The following ITGB5 variants were observed in gnomAD, a reference collection of about 807,000 sequenced individuals.
ITGB5 encodes integrin beta-5.
In ITGB5, 38 loss-of-function variants were observed where a neutral mutation model predicts 84.8. That is an observed-to-expected ratio of 0.45 (90% confidence interval 0.35 to 0.59). ITGB5 has a LOEUF of 0.59. ITGB5 is among the 20% of genes least tolerant of loss of function. The probability of loss-of-function intolerance (pLI) is 0.01; values close to 1 mark genes in which losing one functional copy is unlikely to be tolerated. For missense variants in ITGB5, 905 were observed against 1,034.5 expected, an observed-to-expected ratio of 0.87 and a Z score of 1.72; for synonymous variants, 393 against 414.4, an observed-to-expected ratio of 0.95 and a Z score of 0.63.
At chr3:124,820,441 G>A (rs2107558046) in intron 6 of ITGB5, among the ~76,000 whole-genome samples, 1 of 152,314 alleles carries the variant, frequency 6.6e-6, no homozygotes. Flanking sequence ...ACAGTGTCCT[G>A]AGGGATTTTG....
At chr3:124,779,630 G>A (rs559212040) in intron 10 of ITGB5, among the ~76,000 whole-genome samples, 5 of 152,282 alleles carry the variant, frequency 3.3e-5, no homozygotes, top group East Asian at 1.9e-4. Flanking sequence ...CAGGCTGCCC[G>A]GGCTGGCCTC....
intron 1 of ITGB5, among the ~76,000 whole-genome samples, chr3:124,896,325 C>T (rs1406099369): frequency 6.6e-6 from 1 of 152,144 alleles, no homozygotes; most frequent in Non-Finnish European, 1.5e-5. Flanking sequence ...ATCACTGTCC[C>T]CTCCAATATT....
chr3:124,850,183 A>G (rs1048410235), intron 3 of ITGB5, among the ~76,000 whole-genome samples: 4 of 152,124 alleles, frequency 2.6e-5, no homozygotes, highest in African/African-American at 9.7e-5. Flanking sequence ...CCGTGACAAC[A>G]AGGCATATTT....
intron 9 of ITGB5, among the ~76,000 whole-genome samples, chr3:124,798,798 T>C (rs2064272765): frequency 6.6e-6 from 1 of 152,188 alleles, no homozygotes; most frequent in African/African-American, 2.4e-5. Context: ...CTTTGAGATT[T>C]TTACTGGTTC....
chr3:124,853,093 A>G (rs1448120458), intron 3 of ITGB5, among the ~76,000 whole-genome samples: 1 of 152,178 alleles, frequency 6.6e-6, no homozygotes, highest in Admixed American at 6.5e-5. Flanking sequence ...TCAAAGTGTT[A>G]AGACAAAGTA....
At chr3:124,796,322 T>G in intron 10 of ITGB5, 66 bp downstream of exon 10, 1 of 1,409,690 alleles carries the variant, frequency 7.1e-7, no homozygotes, top group Non-Finnish European at 9.8e-7. Flanking sequence ...AAGGCAGGCT[T>G]TGGGAGGGTG....
chr3:124,848,763 C>T (rs2065112124), intron 3 of ITGB5, among the ~76,000 whole-genome samples: 1 of 144,048 alleles, frequency 6.9e-6, no homozygotes, highest in Non-Finnish European at 1.5e-5. Flanking sequence ...AAACATTCGG[C>T]TTAGCACTTC....
chr3:124,847,522 A>G (rs1322606279), intron 4 of ITGB5, among the ~76,000 whole-genome samples: 3 of 152,208 alleles, frequency 2.0e-5, no homozygotes, highest in Non-Finnish European at 4.4e-5. Flanking sequence ...TCCGTCTAAT[A>G]GCATGTGGGA....
At chr3:124,865,321 A>T (rs1305077272) in intron 2 of ITGB5, among the ~76,000 whole-genome samples, 1 of 151,944 alleles carries the variant, frequency 6.6e-6, no homozygotes, top group Non-Finnish European at 1.5e-5. Context: ...GCCACAACAC[A>T]ACTGCTTGCA....
intron 10 of ITGB5, among the ~76,000 whole-genome samples, chr3:124,789,014 G>A (rs539588494): frequency 1.1e-4 from 17 of 152,246 alleles, no homozygotes; most frequent in Middle Eastern, 6.8e-3. Context: ...GGAAACATAG[G>A]GAGACCCTGT....
At chr3:124,804,205 T>C (rs1388739125) in intron 9 of ITGB5, among the ~76,000 whole-genome samples, 1 of 152,164 alleles carries the variant, frequency 6.6e-6, no homozygotes, top group Non-Finnish European at 1.5e-5. Context: ...TTCATCATGA[T>C]AGTTGCTTGT....
At chr3:124,773,372 G>A (rs899714974) in intron 11 of ITGB5, among the ~76,000 whole-genome samples, 1 of 152,216 alleles carries the variant, frequency 6.6e-6, no homozygotes, top group Non-Finnish European at 1.5e-5. Flanking sequence ...CTCTGAGAAG[G>A]TGCTATTTTT....
At chr3:124,868,422 T>C (rs985188380) in intron 2 of ITGB5, among the ~76,000 whole-genome samples, 9 of 151,924 alleles carry the variant, frequency 5.9e-5, no homozygotes, top group South Asian at 4.2e-4. Flanking sequence ...GGGGAGAGTC[T>C]GGCGACTCTG....
At chr3:124,833,555 G>C (rs1322575989) in intron 5 of ITGB5, among the ~76,000 whole-genome samples, 8 of 152,146 alleles carry the variant, frequency 5.3e-5, no homozygotes, top group Non-Finnish European at 1.2e-4. Context: ...GAATGGAAAA[G>C]TATTACCAAG....
intron 2 of ITGB5, among the ~76,000 whole-genome samples, chr3:124,861,366 C>T (rs972237908): frequency 9.3e-5 from 14 of 151,194 alleles, no homozygotes; most frequent in African/African-American, 3.4e-4. Flanking sequence ...TTTTAGGAGG[C>T]TGAGGCGGGA....
In ITGB5 at chr3:124,770,724, C is replaced by CAAAA. The variant is rs150370981; in HGVS notation, c.1917-1615_1917-1612dup. 6.7e-3 allele frequency among the ~76,000 whole-genome samples: 1,018 copies of CAAAA among 152,254 alleles called. 7 individuals are homozygous for CAAAA. The highest frequency in any genetic ancestry group is 0.023 in the African/African-American group (935 of 41,536). ...AGCTCAACCATCCCTGAAATGGCTA[C>CAAAA]AAAATCCCACTCTCCTGGGACTGAC... is the stretch of plus-strand genomic sequence containing the variant. On this transcript the variant is annotated intron_variant, in intron 11 of 14. Transcript: ENST00000296181.
At chr3:124,846,752 G>A (rs1195094597) in intron 4 of ITGB5, among the ~76,000 whole-genome samples, 1 of 152,128 alleles carries the variant, frequency 6.6e-6, no homozygotes, top group Non-Finnish European at 1.5e-5. Flanking sequence ...TGGCCAACAT[G>A]GTGAAACCCC....
chr3:124,868,618 C>CAAAAAAAAAA (rs67873873), intron 2 of ITGB5, among the ~76,000 whole-genome samples: 10 of 68,156 alleles, frequency 1.5e-4, no homozygotes, highest in East Asian at 5.1e-4. Flanking sequence ...TGTTCTCTAC[C>CAAAAAAAAAA]AAAAAAAAAA....
intron 4 of ITGB5, among the ~76,000 whole-genome samples, chr3:124,843,011 G>A (rs1205498683): frequency 9.9e-5 from 15 of 152,120 alleles, no homozygotes; most frequent in Non-Finnish European, 1.8e-4. Context: ...CGGGGCCGGC[G>A]GCAGCGATGG....
Sources: allele counts gnomAD v4.1 joint callset (sites outside exome capture counted in the v4.1 genomes callset), GRCh38; gene constraint gnomAD v4.1.1; transcripts MANE v1.5; gene names NCBI Gene and HGNC (gene_info 2026-07-23, HGNC 2026-07-21).